Variants in RORA observed in about 807,000 individuals in gnomAD.
RORA encodes nuclear receptor ROR-alpha.
In RORA, 7 loss-of-function variants were observed where a neutral mutation model predicts 69.5. The ratio of observed to expected loss-of-function variants is 0.10; its 90% CI spans 0.06 to 0.19. The LOEUF is 0.19. Ranked by LOEUF, RORA falls within the 10% of genes least tolerant of loss-of-function variation. The probability of loss-of-function intolerance (pLI) is 1.00; values close to 1 mark genes in which losing one functional copy is unlikely to be tolerated. For synonymous variants in RORA, 261 were observed against 240.8 expected, an observed-to-expected ratio of 1.08 and a Z score of -0.78; for missense variants, 457 against 663.0, an observed-to-expected ratio of 0.69 and a Z score of 3.41.
Position 60,555,180 on chromosome 15 carries a change from C to T in RORA, c.197-23329G>A, listed in dbSNP as rs186530252. 6.6e-5 allele frequency among the ~76,000 whole-genome samples: 10 copies of T among 152,240 alleles called. No individual in the cohort carries two copies. In the East Asian group the frequency reaches 1.5e-3, roughly 24 times the overall value. Reference sequence around the variant, plus strand: ...TGTATGTCAGTATCCTGGGAGCACACCAGGTGGCCAGAGCTGAAACAGTTT... The same window carrying T: ...TGTATGTCAGTATCCTGGGAGCACATCAGGTGGCCAGAGCTGAAACAGTTT... On this transcript the variant is annotated intron_variant, in intron 2 of 10. Coordinates refer to ENST00000335670, the MANE Select transcript of RORA (RefSeq NM_134261.3).
intron 1 of RORA, among the ~76,000 whole-genome samples, chr15:60,855,228 G>A (rs1447412851): frequency 1.3e-5 from 2 of 152,204 alleles, no homozygotes; most frequent in Admixed American, 6.5e-5. Flanking sequence ...GGAATGAGAC[G>A]TCTCCTGGCC....
At chr15:61,160,504 A>C (rs1338601541) in intron 1 of RORA, among the ~76,000 whole-genome samples, 1 of 152,196 alleles carries the variant, frequency 6.6e-6, no homozygotes, top group African/African-American at 2.4e-5. Flanking sequence ...CAAATATAAA[A>C]ATCTCTCGAA....
chr15:60,570,953 A>G (rs2140452449), intron 2 of RORA, among the ~76,000 whole-genome samples: 1 of 152,268 alleles, frequency 6.6e-6, no homozygotes, highest in Middle Eastern at 3.4e-3. Context: ...AATAAAGTAC[A>G]TTACCATATT....
chr15:60,595,623 G>A (rs779966825), intron 2 of RORA, among the ~76,000 whole-genome samples: 1 of 151,372 alleles, frequency 6.6e-6, no homozygotes, highest in East Asian at 1.9e-4. Context: ...TATGAGTACC[G>A]ACTGAGGGAG....
intron 1 of RORA, among the ~76,000 whole-genome samples, chr15:60,714,960 G>A (rs2071200854): frequency 6.6e-6 from 1 of 152,164 alleles, no homozygotes; most frequent in African/African-American, 2.4e-5. Context: ...CAAGTGAGGG[G>A]TAAAGATGGG....
chr15:60,802,379 A>G (rs755808173), intron 1 of RORA, among the ~76,000 whole-genome samples: 22 of 152,232 alleles, frequency 1.4e-4, no homozygotes, highest in Admixed American at 3.9e-4. Flanking sequence ...CTAGCTTTAC[A>G]GAGGGCTATT....
At chr15:60,618,306 T>G (rs1223764922) in intron 2 of RORA, among the ~76,000 whole-genome samples, 1 of 152,220 alleles carries the variant, frequency 6.6e-6, no homozygotes, top group African/African-American at 2.4e-5. Context: ...GGGCAACCTC[T>G]GCTACATTGC....
chr15:60,830,190 A>G (rs1219381385), intron 1 of RORA, among the ~76,000 whole-genome samples: 1 of 152,226 alleles, frequency 6.6e-6, no homozygotes. Flanking sequence ...CTTTATTTAT[A>G]ATTGTAATAT....
At chr15:60,535,490 G>C (rs1367353785) in intron 2 of RORA, among the ~76,000 whole-genome samples, 2 of 152,206 alleles carry the variant, frequency 1.3e-5, no homozygotes, top group Admixed American at 1.3e-4. Flanking sequence ...GGAAATCCTG[G>C]AATGCAAGGG....
chr15:60,833,436 A>T (rs939019629), intron 1 of RORA, among the ~76,000 whole-genome samples: 2 of 151,734 alleles, frequency 1.3e-5, no homozygotes, highest in Non-Finnish European at 2.9e-5. Context: ...GGCTGATCTC[A>T]AACTCCTGAC....
chr15:60,571,983 C>T (rs755968562), intron 2 of RORA, among the ~76,000 whole-genome samples: 3 of 152,178 alleles, frequency 2.0e-5, no homozygotes, highest in Non-Finnish European at 4.4e-5. Flanking sequence ...CACACCAGAA[C>T]GTACTGCAGA....
At chr15:60,592,824 C>T (rs1481054467) in intron 2 of RORA, 1 of 532,434 alleles carries the variant, frequency 1.9e-6, no homozygotes, top group East Asian at 7.1e-5. Flanking sequence ...CCGCCGGTCG[C>T]TTTTCTGCAC....
At chr15:60,950,946 A>G (rs1345873394) in intron 1 of RORA, among the ~76,000 whole-genome samples, 3 of 150,536 alleles carry the variant, frequency 2.0e-5, no homozygotes, top group African/African-American at 7.4e-5. Context: ...GACGTAATAG[A>G]CATCTACAGA....
chr15:60,884,446 G>T (rs910159488), intron 1 of RORA, among the ~76,000 whole-genome samples: 1 of 152,076 alleles, frequency 6.6e-6, no homozygotes, highest in Non-Finnish European at 1.5e-5. Context: ...AAAATGCCTG[G>T]TGATTTTATG....
intron 1 of RORA, among the ~76,000 whole-genome samples, chr15:60,989,309 A>T (rs1181282314): frequency 6.6e-6 from 1 of 152,254 alleles, no homozygotes; most frequent in Non-Finnish European, 1.5e-5. Context: ...ATATAAAAGA[A>T]ATCATGTAAT....
chr15:61,043,577 G>T (rs1254870622), intron 1 of RORA, among the ~76,000 whole-genome samples: 2 of 152,124 alleles, frequency 1.3e-5, no homozygotes, highest in Non-Finnish European at 2.9e-5. Context: ...ATCAGACATT[G>T]GAGCTAATTC....
At chr15:60,929,849 G>A (rs908075693) in intron 1 of RORA, among the ~76,000 whole-genome samples, 9 of 152,158 alleles carry the variant, frequency 5.9e-5, no homozygotes, top group South Asian at 2.1e-4. Flanking sequence ...GACCTGGGAA[G>A]TCTAGGGAGG....
At chr15:60,783,033 C>T (rs1043035691) in intron 1 of RORA, among the ~76,000 whole-genome samples, 1 of 152,140 alleles carries the variant, frequency 6.6e-6, no homozygotes, top group African/African-American at 2.4e-5. Flanking sequence ...TGTACTACTG[C>T]CTTTAATGAT....
At chr15:61,050,186 A>G (rs1278546743) in intron 1 of RORA, among the ~76,000 whole-genome samples, 6 of 152,120 alleles carry the variant, frequency 3.9e-5, no homozygotes, top group South Asian at 2.1e-4. Flanking sequence ...CCCACAGCCA[A>G]CCTCATTTGT....
Sources: gnomAD v4.1 joint callset for allele counts (sites outside exome capture counted in the v4.1 genomes callset) on GRCh38, gnomAD v4.1.1 for gene constraint, MANE v1.5 for transcripts, NCBI Gene and HGNC (gene_info 2026-07-23, HGNC 2026-07-21) for gene names.